The following PRKCE variants were observed in gnomAD, a reference collection of about 807,000 sequenced individuals.
PRKCE encodes the protein protein kinase C epsilon type.
A neutral mutation model predicts 85.4 loss-of-function variants in PRKCE; 16 were observed. The ratio of observed to expected loss-of-function variants is 0.19; its 90% CI spans 0.13 to 0.28. The LOEUF (loss-of-function observed/expected upper bound fraction) is 0.28. PRKCE is among the 10% of genes least tolerant of loss of function. PRKCE has a pLI of 1.00. For synonymous variants in PRKCE, 388 were observed against 371.5 expected, an observed-to-expected ratio of 1.04 and a Z score of -0.51; for missense variants, 573 against 975.2, an observed-to-expected ratio of 0.59 and a Z score of 5.49.
intron 14 of PRKCE, among the ~76,000 whole-genome samples, chr2:46,162,592 G>T (rs1677887010): frequency 6.6e-6 from 1 of 152,216 alleles, no homozygotes; most frequent in African/African-American, 2.4e-5. Context: ...TTTGAATTCA[G>T]TTGGGAGGAG....
chr2:45,883,481 G>A (rs1078039), intron 2 of PRKCE, among the ~76,000 whole-genome samples: 54,734 of 152,090 alleles, frequency 0.36, 10,114 homozygotes, highest in East Asian at 0.55. Flanking sequence ...TGAGTTCCCC[G>A]TCGTGCTGGG....
chr2:46,145,067 C>A lies in PRKCE; in HGVS notation c.1593-26C>A. The A allele has an allele frequency of 6.3e-7, 1 of 1,599,584 alleles. No individual in the cohort carries two copies. The highest frequency in any genetic ancestry group is 8.5e-7 in the Non-Finnish European group (1 of 1,179,846). On this transcript the variant is annotated intron_variant, in intron 11 of 14. Coordinates refer to ENST00000306156, the MANE Select transcript of PRKCE (RefSeq NM_005400.3). The surrounding 1 kb of genome is among the most constrained non-coding windows in gnomAD (Gnocchi z 4.6). ...TATATTGGGGTGAGTGACGTATTGA[C>A]ATTATGGTCCTGGCCTATCTTGCAG...
intron 1 of PRKCE, among the ~76,000 whole-genome samples, chr2:45,796,824 C>T (rs72870728): frequency 0.019 from 2,852 of 152,276 alleles, 87 homozygotes; most frequent in African/African-American, 0.064. Context: ...CACTATGTTA[C>T]CCAGACTGCT....
chr2:46,145,323 G>C lies in PRKCE; in HGVS notation c.1731+92G>C. 1 of 1,496,850 alleles carries C rather than the reference G, an allele frequency of 6.7e-7. No homozygotes were observed. The highest frequency in any genetic ancestry group is 9.1e-7 in the Non-Finnish European group (1 of 1,102,634). The allele number at this position is 1,496,850 out of a possible 1,614,324, so 92.7% of individuals were successfully genotyped here. A position where few individuals can be genotyped will look rare whatever the true frequency, so the allele number is the denominator to read the frequency against. On this transcript the variant is annotated intron_variant, in intron 12 of 14. Transcript: ENST00000306156. This position sits in a 1 kb window ranked among gnomAD's most constrained non-coding sequence, Gnocchi z 4.6. Reference sequence around the variant, plus strand: ...GCACTGGGGTCATCTAGTGGTGCTGGGGGAAGGCTCTGGAAATCCAGGATG... The same window carrying C: ...GCACTGGGGTCATCTAGTGGTGCTGCGGGAAGGCTCTGGAAATCCAGGATG...
intron 12 of PRKCE, among the ~76,000 whole-genome samples, chr2:46,147,612 C>A (rs557974504): frequency 6.6e-6 from 1 of 152,358 alleles, no homozygotes; most frequent in Non-Finnish European, 1.5e-5. Flanking sequence ...CTGGCAATGA[C>A]AATCCCTGGT....
At chr2:45,888,534 G>A (rs1029435374) in intron 2 of PRKCE, among the ~76,000 whole-genome samples, 1 of 143,774 alleles carries the variant, frequency 7.0e-6, no homozygotes, top group Non-Finnish European at 1.5e-5. Context: ...CTGCAATGGC[G>A]CGATCTCCTG....
At chr2:46,102,125 A>G (rs1448481607) in intron 11 of PRKCE, among the ~76,000 whole-genome samples, 1 of 152,180 alleles carries the variant, frequency 6.6e-6, no homozygotes, top group African/African-American at 2.4e-5. Flanking sequence ...CCATGATGGT[A>G]GTACTTATAC....
chr2:46,144,678 T>A (rs958312977), intron 11 of PRKCE, among the ~76,000 whole-genome samples: 1 of 152,202 alleles, frequency 6.6e-6, no homozygotes, highest in Non-Finnish European at 1.5e-5. Context: ...TTTAACCGTT[T>A]CGTTGATGTC....
chr2:45,938,231 T>C (rs780571130), intron 2 of PRKCE, among the ~76,000 whole-genome samples: 7 of 152,104 alleles, frequency 4.6e-5, no homozygotes, highest in African/African-American at 9.7e-5. Context: ...ATTTAGCCCC[T>C]TGGAGAGGTG....
intron 5 of PRKCE, among the ~76,000 whole-genome samples, chr2:45,981,779 T>C (rs779473287): frequency 6.6e-6 from 1 of 152,214 alleles, no homozygotes; most frequent in Non-Finnish European, 1.5e-5. Flanking sequence ...ACAGGCGTTA[T>C]GCTGTGTCCC....
intron 1 of PRKCE, among the ~76,000 whole-genome samples, chr2:45,817,952 C>T (rs1435703097): frequency 6.6e-6 from 1 of 152,238 alleles, no homozygotes; most frequent in Non-Finnish European, 1.5e-5. Context: ...CAGTAACCAT[C>T]AGACCAGGCT....
intron 1 of PRKCE, among the ~76,000 whole-genome samples, chr2:45,754,309 C>A (rs921769952): frequency 6.6e-6 from 1 of 152,212 alleles, no homozygotes; most frequent in Non-Finnish European, 1.5e-5. Flanking sequence ...ACTTCTAGAT[C>A]AGTGAGTTGC....
intron 2 of PRKCE, among the ~76,000 whole-genome samples, chr2:45,932,723 A>G (rs764209932): frequency 6.6e-6 from 1 of 152,214 alleles, no homozygotes; most frequent in Admixed American, 6.5e-5. Flanking sequence ...CATGACCACT[A>G]TCCATCTCCA....
chr2:45,827,213 C>T (rs781572464), intron 1 of PRKCE, among the ~76,000 whole-genome samples: 5 of 152,372 alleles, frequency 3.3e-5, no homozygotes, highest in Non-Finnish European at 7.3e-5. Context: ...ATCTGCTCCT[C>T]TCTCTGCACC....
intron 1 of PRKCE, among the ~76,000 whole-genome samples, chr2:45,719,811 G>C (rs983087673): frequency 6.6e-6 from 1 of 152,096 alleles, no homozygotes; most frequent in Non-Finnish European, 1.5e-5. Context: ...TGTAATCCTA[G>C]CACTTTGGGA....
chr2:45,861,112 G>A (rs190057879), intron 2 of PRKCE, among the ~76,000 whole-genome samples: 2 of 152,264 alleles, frequency 1.3e-5, no homozygotes, highest in Admixed American at 1.3e-4. Context: ...AAGTGGGGAG[G>A]CTTGCTTCCT....
intron 14 of PRKCE, among the ~76,000 whole-genome samples, chr2:46,180,173 G>T (rs1357645335): frequency 1.3e-5 from 2 of 152,222 alleles, no homozygotes; most frequent in South Asian, 2.1e-4. Flanking sequence ...AAGCAGCCCT[G>T]GAGGGATGAG....
intron 10 of PRKCE, 21 bp from the exon 11 acceptor site, chr2:46,086,187 C>T: frequency 4.4e-6 from 7 of 1,598,346 alleles, no homozygotes; most frequent in Non-Finnish European, 4.2e-6. Flanking sequence ...ACCCAAATGG[C>T]ATTTTCTTCT....
chr2:45,813,029 T>G (rs529828293), intron 1 of PRKCE, among the ~76,000 whole-genome samples: 18 of 152,336 alleles, frequency 1.2e-4, no homozygotes, highest in African/African-American at 4.3e-4. Context: ...TATTGAAAAT[T>G]CTATCTCTGG....
Sources: gnomAD v4.1 joint callset for allele counts (sites outside exome capture counted in the v4.1 genomes callset) on GRCh38, gnomAD v4.1.1 for gene constraint, Gnocchi (gnomAD v3.1) non-coding constraint, MANE v1.5 for transcripts, NCBI Gene and HGNC (gene_info 2026-07-23, HGNC 2026-07-21) for gene names.